The following NXPE4 variants were observed in gnomAD, a reference collection of about 807,000 sequenced individuals.
NXPE4 encodes neurexophilin and PC-esterase domain family member 4.
In NXPE4, 42 loss-of-function variants were observed where a neutral mutation model predicts 33.3. The observed-to-expected ratio is 1.26, with a 90% CI of 0.98 to 1.63. NXPE4 has a LOEUF of 1.63. NXPE4 is among the 40% of genes most tolerant of loss of function. The probability of loss-of-function intolerance (pLI) is 0.00; values close to 1 mark genes in which losing one functional copy is unlikely to be tolerated. For synonymous variants in NXPE4, 253 were observed against 234.9 expected, an observed-to-expected ratio of 1.08 and a Z score of -0.71; for missense variants, 709 against 647.6, an observed-to-expected ratio of 1.09 and a Z score of -1.03.
upstream of NXPE4, among the ~76,000 whole-genome samples, chr11:114,596,826 AT>A (rs568482136): frequency 2.4e-4 from 37 of 152,170 alleles, no homozygotes; most frequent in Non-Finnish European, 4.9e-4. Flanking sequence ...GGTCACATAG[AT>A]TTTGAAATCT....
chr11:114,639,810 TAATATAAAATATAATATATATTATATTA>T, the NXPE4 span, among the ~76,000 whole-genome samples: 260 of 77,956 alleles, frequency 3.3e-3, 2 homozygotes, highest in African/African-American at 0.011. Context: ...AAATATAAAA[TAATATAAAATATAATATATATTATATTA>T]AATATAAAAT....
chr11:114,623,515 T>C, the NXPE4 span, among the ~76,000 whole-genome samples: 1 of 152,084 alleles, frequency 6.6e-6, no homozygotes, highest in Non-Finnish European at 1.5e-5. Flanking sequence ...ATAATAAGTA[T>C]TCCCTCGTGG....
the NXPE4 span, among the ~76,000 whole-genome samples, chr11:114,618,377 G>A: frequency 3.4e-5 from 5 of 148,732 alleles, no homozygotes; most frequent in East Asian, 2.1e-4. Flanking sequence ...CTCATGGGTA[G>A]TCACTGTTAC....
At chr11:114,622,194 A>C in the NXPE4 span, among the ~76,000 whole-genome samples, 1 of 104,726 alleles carries the variant, frequency 9.5e-6, no homozygotes, top group African/African-American at 3.0e-5. Context: ...GTGGGTAACC[A>C]CTATTACCTG....
At chr11:114,607,620 C>T in the NXPE4 span, among the ~76,000 whole-genome samples, 893 of 151,204 alleles carry the variant, frequency 5.9e-3, 6 homozygotes, top group African/African-American at 0.02. Context: ...CAGTGTTACC[C>T]GGTGGATAAG....
Position 114,571,072 on chromosome 11 carries a change from C to A in NXPE4, c.1501G>T (p.Asp501Tyr). 6.2e-7 allele frequency: 1 copy of A among 1,613,962 alleles called. No individual in the cohort carries two copies. The highest frequency in any genetic ancestry group is 8.5e-7 in the Non-Finnish European group (1 of 1,179,900). ...CTCACACTGAGATCCTGGAAAATGT[C>A]CTTTATGATGAGATATTGAATGTAA... is the stretch of plus-strand genomic sequence containing the variant. ...HGYIQYLIIK[D>Y]IFQDLSVSII... The change falls in exon 6 of 6, where the codon GAC (aspartate) becomes TAC (tyrosine). Residue 501 changes from aspartate to tyrosine, a missense_variant. Transcript: ENST00000375478.
At chr11:114,632,972 T>C in the NXPE4 span, among the ~76,000 whole-genome samples, 1,168 of 103,688 alleles carry the variant, frequency 0.011, 22 homozygotes, top group African/African-American at 0.045. Context: ...TTATATATTA[T>C]ATATTATATA....
At chr11:114,605,485 C>G in the NXPE4 span, among the ~76,000 whole-genome samples, 1 of 151,776 alleles carries the variant, frequency 6.6e-6, no homozygotes, top group African/African-American at 2.4e-5. Context: ...CACAGTTACC[C>G]GGTGGATAAT....
the NXPE4 span, among the ~76,000 whole-genome samples, chr11:114,632,676 TTA>T: frequency 8.7e-5 from 5 of 57,686 alleles, no homozygotes; most frequent in Non-Finnish European, 1.4e-4. Flanking sequence ...GTATATATAT[TTA>T]TATATATAAA....
chr11:114,629,171 A>G, the NXPE4 span, among the ~76,000 whole-genome samples: 1 of 152,126 alleles, frequency 6.6e-6, no homozygotes, highest in Non-Finnish European at 1.5e-5. Context: ...AACTCATTTT[A>G]TGAGGCCAGC....
chr11:114,588,786 G>A (rs1038242731), intron 2 of NXPE4, among the ~76,000 whole-genome samples: 4 of 152,124 alleles, frequency 2.6e-5, no homozygotes, highest in Admixed American at 2.0e-4. Flanking sequence ...TTATGGAAAG[G>A]CTGAAAGAAG....
the NXPE4 span, among the ~76,000 whole-genome samples, chr11:114,641,199 G>A: frequency 6.6e-6 from 1 of 151,630 alleles, no homozygotes; most frequent in Non-Finnish European, 1.5e-5. Flanking sequence ...TAATCAAGAA[G>A]GAATATAGAG....
chr11:114,665,239 T>C, the NXPE4 span, among the ~76,000 whole-genome samples: 1 of 152,178 alleles, frequency 6.6e-6, no homozygotes, highest in East Asian at 1.9e-4. Flanking sequence ...TGCTTTCTAG[T>C]CTCTAAAATA....
chr11:114,666,153 C>G, the NXPE4 span, among the ~76,000 whole-genome samples: 1 of 152,140 alleles, frequency 6.6e-6, no homozygotes, highest in African/African-American at 2.4e-5. Context: ...CTGACCTTCT[C>G]CTTCTCTCTC....
chr11:114,584,867 G>C (rs917184371), intron 2 of NXPE4, among the ~76,000 whole-genome samples: 2 of 152,156 alleles, frequency 1.3e-5, no homozygotes, highest in African/African-American at 4.8e-5. Context: ...GCTGTGCTGG[G>C]TGATCTCTTC....
chr11:114,642,019 G>A, the NXPE4 span, among the ~76,000 whole-genome samples: 1 of 152,102 alleles, frequency 6.6e-6, no homozygotes, highest in African/African-American at 2.4e-5. Flanking sequence ...AAATAAAAAA[G>A]TAATTATTCT....
At chr11:114,651,349 G>C in the NXPE4 span, among the ~76,000 whole-genome samples, 1 of 151,664 alleles carries the variant, frequency 6.6e-6, no homozygotes, top group African/African-American at 2.4e-5. Flanking sequence ...GGCACGTCCG[G>C]AGTTGTTTGT....
rs1032680802 is a variant in NXPE4, at chr11:114,580,270, A to T, written c.961T>A (p.Trp321Arg). 6.2e-7 allele frequency: 1 copy of T among 1,614,066 alleles called. No individual in the cohort carries two copies. The highest frequency in any genetic ancestry group is 1.7e-5 in the Admixed American group (1 of 60,022). Residue 321 changes from tryptophan (W) to arginine (R), a missense_variant, in exon 5 of 6, where the codon TGG becomes AGG. Trp to Arg is a moderately radical substitution (Grantham distance 101). Coordinates refer to ENST00000375478, the MANE Select transcript of NXPE4 (RefSeq NM_001077639.2). ...GAGACAGGATTCCATGTGTTTCTCC[A>T]GACATGCCCACTGGGGATTGTGGAT... is the stretch of plus-strand genomic sequence containing the variant. ...MTSTIPSGHVWRNTWNPVSCS... is the reference protein window; with the variant it reads ...MTSTIPSGHVRRNTWNPVSCS...
the NXPE4 span, among the ~76,000 whole-genome samples, chr11:114,674,126 C>CAAACA: frequency 0.034 from 2,744 of 80,990 alleles, 39 homozygotes; most frequent in African/African-American, 0.059. Flanking sequence ...AACAAACAAA[C>CAAACA]AAGTGAACAA....
Sources: gnomAD v4.1 joint callset for allele counts (sites outside exome capture counted in the v4.1 genomes callset) on GRCh38, gnomAD v4.1.1 for gene constraint, MANE v1.5 for transcripts, NCBI Gene and HGNC (gene_info 2026-07-23, HGNC 2026-07-21) for gene names.